Variants in ZFYVE28 observed in about 807,000 individuals in gnomAD.
ZFYVE28 encodes the protein lateral signaling target protein 2 homolog.
A neutral mutation model predicts 82.1 loss-of-function variants in ZFYVE28; 40 were observed. The observed-to-expected ratio is 0.49, with a 90% confidence interval of 0.38 to 0.63. The LOEUF is 0.63. Among genes scored for constraint, ZFYVE28 ranks in the 30% least tolerant of loss-of-function variants. ZFYVE28 has a pLI of 0.00. For synonymous variants in ZFYVE28, 612 were observed against 546.1 expected (o/e 1.12, Z -1.68); for missense variants, 1,321 against 1,242.1 (o/e 1.06, Z -0.96).
intron 2 of ZFYVE28, among the ~76,000 whole-genome samples, chr4:2,350,617 G>T (rs952657213): frequency 1.3e-5 from 2 of 152,184 alleles, no homozygotes; most frequent in Non-Finnish European, 2.9e-5. Flanking sequence ...GCTTCAGGAT[G>T]GGGGGCTGGT....
intron 1 of ZFYVE28, 53 bp from the exon 2 acceptor site, chr4:2,354,126 C>T (rs866720009): frequency 4.2e-6 from 6 of 1,421,876 alleles, no homozygotes; most frequent in South Asian, 3.1e-5. Context: ...GGAGGGGATG[C>T]CTCGGTTGGT....
intron 1 of ZFYVE28, among the ~76,000 whole-genome samples, chr4:2,384,828 C>T (rs913854267): frequency 7.2e-5 from 11 of 152,172 alleles, no homozygotes; most frequent in Non-Finnish European, 1.2e-4. Flanking sequence ...AGACACCTGC[C>T]CAAGCTTCAG....
In ZFYVE28 at chr4:2,384,133, T is replaced by C. The variant is rs79809798; in HGVS notation, c.40-30060A>G. Among the ~76,000 whole-genome samples, 56 of 152,258 alleles carry C rather than the reference T, an allele frequency of 3.7e-4. 2 individuals carry two copies. The East Asian group carries it at 0.01, about 28-fold the overall frequency. On this transcript the variant is annotated intron_variant, in intron 1 of 12. Transcript: ENST00000290974. ...TAGATGCAGTGTTGGGTTCCCACAT[T>C]CTACCCACAGGGAAGAGGCCCCCGG... is the stretch of plus-strand genomic sequence containing the variant.
chr4:2,412,967 C>T (rs1355624505), intron 1 of ZFYVE28, among the ~76,000 whole-genome samples: 2 of 151,934 alleles, frequency 1.3e-5, no homozygotes, highest in Non-Finnish European at 2.9e-5. Context: ...TCTCGACTCT[C>T]TGCCTCTGAC....
rs1308974779 is a variant in ZFYVE28 at position 2,418,468 on chromosome 4, C to A, written c.-145G>T. The A allele has an allele frequency of 1.8e-6, 1 of 568,686 alleles. No individual in the cohort carries two copies. The highest frequency in any genetic ancestry group is 2.0e-5 in the African/African-American group (1 of 48,980). 35.2% of individuals were successfully genotyped at this position (568,686 alleles called of 1,614,324 possible). A position where few individuals can be genotyped will look rare whatever the true frequency, so the allele number is the denominator to read the frequency against. ...GGAGGCTGGCTAGCGAAGCCCGGAG[C>A]GCCGAGCGGGCGGCGGGCAGGTGCG... On this transcript the variant is annotated 5_prime_UTR_variant, in exon 1 of 13. Coordinates refer to ENST00000290974, the MANE Select transcript of ZFYVE28 (RefSeq NM_020972.3). This position sits in a 1 kb window ranked among gnomAD's most constrained non-coding sequence, Gnocchi z 4.6.
chr4:2,294,263 T>C (rs1250732428), intron 8 of ZFYVE28, among the ~76,000 whole-genome samples: 1 of 152,184 alleles, frequency 6.6e-6, no homozygotes, highest in African/African-American at 2.4e-5. Context: ...AATAGATTAA[T>C]AGAACAGACT....
intron 1 of ZFYVE28, among the ~76,000 whole-genome samples, chr4:2,405,558 C>G (rs1047475620): frequency 6.6e-6 from 1 of 152,226 alleles, no homozygotes; most frequent in African/African-American, 2.4e-5. Flanking sequence ...TGAGCAGGCC[C>G]AGGCTCTGAG....
chr4:2,311,376 A>G (rs986870919), intron 7 of ZFYVE28, among the ~76,000 whole-genome samples: 4 of 152,122 alleles, frequency 2.6e-5, no homozygotes, highest in African/African-American at 4.8e-5. Flanking sequence ...GTACAAAAAA[A>G]TTAGCTGGGT....
intron 8 of ZFYVE28, among the ~76,000 whole-genome samples, chr4:2,275,267 TA>T (rs1736311407): frequency 6.6e-6 from 1 of 152,204 alleles, no homozygotes; most frequent in Admixed American, 6.5e-5. Context: ...GGTGACCCTA[TA>T]AATCGTTCAC....
Position 2,362,856 on chromosome 4 carries a change from A to C in ZFYVE28, c.40-8783T>G, listed in dbSNP as rs1042194174. ...TCAGCAGGAGGCCTGGCAGGGAGTG[A>C]GGATGGGACGGTCCTGCTCACTTCC... On this transcript the variant is annotated intron_variant, in intron 1 of 12. Transcript: ENST00000290974. The surrounding 1 kb of genome is among the most constrained non-coding windows in gnomAD (Gnocchi z 5.1). 1.3e-5 allele frequency among the ~76,000 whole-genome samples: 2 copies of C among 151,804 alleles called. No homozygotes were observed. The highest frequency in any genetic ancestry group is 6.8e-3 in the Middle Eastern group (2 of 294).
At chr4:2,365,276 G>C (rs1726741770) in intron 1 of ZFYVE28, among the ~76,000 whole-genome samples, 1 of 152,110 alleles carries the variant, frequency 6.6e-6, no homozygotes, top group South Asian at 2.1e-4. Context: ...GGGACAGCAG[G>C]GGACAAGGGC....
intron 1 of ZFYVE28, among the ~76,000 whole-genome samples, chr4:2,393,669 C>T (rs1654405394): frequency 1.3e-5 from 2 of 152,200 alleles, no homozygotes; most frequent in African/African-American, 4.8e-5. Context: ...TCGAGACTGG[C>T]TTTTTTCACT....
intron 1 of ZFYVE28, among the ~76,000 whole-genome samples, chr4:2,397,729 T>C (rs3128794): frequency 0.85 from 129,147 of 152,028 alleles, 55,020 homozygotes; most frequent in Admixed American, 0.9. Flanking sequence ...GGGTCATCCA[T>C]GCCGTAGTAT....
intron 2 of ZFYVE28, 118 bp downstream of exon 2, chr4:2,353,815 G>A (rs1426644639): frequency 1.1e-5 from 14 of 1,228,458 alleles, no homozygotes; most frequent in East Asian, 6.3e-5. Flanking sequence ...TCTAGCACCC[G>A]ACCCTGACAA....
In ZFYVE28 at chr4:2,305,335, C is replaced by T; in HGVS notation, c.1005G>A (p.Met335Ile). The T allele has an allele frequency of 6.2e-7, 1 of 1,613,162 alleles. No homozygotes were observed. The highest frequency in any genetic ancestry group is 1.1e-5 in the South Asian group (1 of 91,086). The change falls in exon 8 of 13, where the codon ATG becomes ATA. Residue 335 changes from methionine to isoleucine, a missense_variant. Met to Ile is a conservative substitution (Grantham distance 10). Transcript: ENST00000290974. ...KDPDAELACS[M>I]QYDDQELEQL... ...GCTCCAGCTCCTGGTCGTCGTACTGCATGGAGCAGGCCAGCTCTGCATCCG... is the reference window on the plus strand; with the variant it reads ...GCTCCAGCTCCTGGTCGTCGTACTGTATGGAGCAGGCCAGCTCTGCATCCG...
At chr4:2,327,468 A>C (rs1720060612) in intron 6 of ZFYVE28, among the ~76,000 whole-genome samples, 1 of 151,704 alleles carries the variant, frequency 6.6e-6, no homozygotes, top group African/African-American at 2.4e-5. Flanking sequence ...CATATCTTAC[A>C]GGAAAGGCTT....
chr4:2,333,772 G>C (rs945670906), intron 6 of ZFYVE28, among the ~76,000 whole-genome samples: 2 of 152,224 alleles, frequency 1.3e-5, no homozygotes, highest in Non-Finnish European at 2.9e-5. Flanking sequence ...AGCGCCCTGC[G>C]CCCTGGTGGA....
chr4:2,368,016 G>A (rs545684670), intron 1 of ZFYVE28, among the ~76,000 whole-genome samples: 1 of 152,086 alleles, frequency 6.6e-6, no homozygotes, highest in Non-Finnish European at 1.5e-5. Context: ...AGGCTCTGCT[G>A]CCCAAAAGAG....
chr4:2,375,367 A>G (rs1728011651), intron 1 of ZFYVE28, among the ~76,000 whole-genome samples: 1 of 152,188 alleles, frequency 6.6e-6, no homozygotes, highest in Non-Finnish European at 1.5e-5. Flanking sequence ...CCGGGCCAGC[A>G]TCGAAGGAGG....
Sources: gnomAD v4.1 joint callset for allele counts (sites outside exome capture counted in the v4.1 genomes callset) on GRCh38, gnomAD v4.1.1 for gene constraint, Gnocchi (gnomAD v3.1) non-coding constraint, MANE v1.5 for transcripts, NCBI Gene and HGNC (gene_info 2026-07-23, HGNC 2026-07-21) for gene names.